LRRTM4: variants seen among roughly 807,000 people sequenced by gnomAD.
LRRTM4 encodes the protein leucine rich repeat transmembrane neuronal 4.
Under a neutral mutation model 47.6 loss-of-function variants are expected in LRRTM4, and 25 were observed. The observed-to-expected ratio is 0.53, with a 90% confidence interval of 0.38 to 0.73. The LOEUF (loss-of-function observed/expected upper bound fraction) is 0.73, where lower values mean the gene tolerates loss of function less well. Among genes scored for constraint, LRRTM4 ranks in the 30% least tolerant of loss-of-function variants. The pLI is 0.00. For synonymous variants in LRRTM4, 311 were observed against 269.5 expected (o/e 1.15, Z -1.51); for missense variants, 638 against 713.4 (o/e 0.89, Z 1.20).
At chr2:77,440,999 T>C (rs1462562361) in intron 3 of LRRTM4, among the ~76,000 whole-genome samples, 3 of 152,262 alleles carry the variant, frequency 2.0e-5, no homozygotes, top group South Asian at 2.1e-4. Flanking sequence ...TATTTATTCT[T>C]ACAAAAATCA....
Position 76,788,263 on chromosome 2 carries a change from G to A in LRRTM4, c.1552-39347C>T, listed in dbSNP as rs536242651. On this transcript the variant is annotated intron_variant, in intron 3 of 3. Transcript: ENST00000409884. The stretch of plus-strand genomic sequence containing the variant: ...GAACAGCAATTGACTATGCCTTAGC[G>A]GTTGAGAGGGGACAACATCTGAGAG... Among the ~76,000 whole-genome samples, 7 of 152,268 alleles carry A rather than the reference G, an allele frequency of 4.6e-5. No individual in the cohort carries two copies. In the South Asian group the frequency reaches 1.0e-3, roughly 23 times the overall value.
intron 3 of LRRTM4, among the ~76,000 whole-genome samples, chr2:77,238,904 A>C (rs533322541): frequency 6.6e-5 from 10 of 152,202 alleles, no homozygotes; most frequent in Non-Finnish European, 1.0e-4. Flanking sequence ...TAATGCTAAG[A>C]ATAATTCATT....
rs552146538 is a variant in LRRTM4, at chr2:77,091,337, AC to A, written c.1552-342422del. ...CTTACCATCTCATTAAAACCTAATCACCCTTACCCCACTCAACGCCAATATC... is the reference window on the plus strand; with the variant it reads ...CTTACCATCTCATTAAAACCTAATCACCTTACCCCACTCAACGCCAATATC... On this transcript the variant is annotated intron_variant, in intron 3 of 3. Coordinates refer to ENST00000409884, the MANE Select transcript of LRRTM4 (RefSeq NM_001134745.3). Among the ~76,000 whole-genome samples the A allele has an allele frequency of 5.3e-3, 750 of 141,266 alleles. 6 individuals are homozygous for A. Among genetic ancestry groups the A allele is most frequent in the African/African-American group, 0.02 (682 of 33,680 alleles). 92.7% of individuals were successfully genotyped at this position (141,266 alleles called of 152,430 possible).
intron 3 of LRRTM4, among the ~76,000 whole-genome samples, chr2:77,138,045 T>C (rs1243407517): frequency 6.6e-6 from 1 of 152,144 alleles, no homozygotes; most frequent in Non-Finnish European, 1.5e-5. Flanking sequence ...AACACCCTAC[T>C]GTCAACATTA....
chr2:76,834,206 A>G (rs539127949), intron 3 of LRRTM4, among the ~76,000 whole-genome samples: 2 of 119,944 alleles, frequency 1.7e-5, no homozygotes, highest in African/African-American at 7.2e-5. Context: ...ATGCCAAGCT[A>G]ATTTTTTTTT....
chr2:77,479,775 C>T (rs150272813), intron 3 of LRRTM4, among the ~76,000 whole-genome samples: 2 of 151,748 alleles, frequency 1.3e-5, no homozygotes, highest in African/African-American at 4.8e-5. Flanking sequence ...TCTCTTCTCT[C>T]CATCTCTCTC....
intron 3 of LRRTM4, among the ~76,000 whole-genome samples, chr2:77,349,099 G>C (rs1177332985): frequency 1.3e-5 from 2 of 151,786 alleles, no homozygotes; most frequent in Non-Finnish European, 2.9e-5. Flanking sequence ...GGAGGACATA[G>C]TGAATGCAAT....
intron 3 of LRRTM4, among the ~76,000 whole-genome samples, chr2:77,431,424 C>T (rs1281272105): frequency 6.7e-6 from 1 of 148,726 alleles, no homozygotes; most frequent in Non-Finnish European, 1.5e-5. Flanking sequence ...AATACTATCA[C>T]ATTCAGAATG....
intron 3 of LRRTM4, among the ~76,000 whole-genome samples, chr2:77,453,486 T>G (rs1315799670): frequency 6.6e-6 from 1 of 152,156 alleles, no homozygotes; most frequent in African/African-American, 2.4e-5. Context: ...AGACTCTTCT[T>G]GAATTTTTAT....
At chr2:77,069,934 A>G (rs6750865) in intron 3 of LRRTM4, among the ~76,000 whole-genome samples, 60,870 of 152,062 alleles carry the variant, frequency 0.4, 14,283 homozygotes, top group East Asian at 0.68. Context: ...CCTGTAAAAC[A>G]TATTTCAGAA....
At chr2:77,279,953 T>A (rs940589225) in intron 3 of LRRTM4, among the ~76,000 whole-genome samples, 1 of 151,976 alleles carries the variant, frequency 6.6e-6, no homozygotes, top group South Asian at 2.1e-4. Flanking sequence ...GTAGATAGAA[T>A]AATATAATAC....
chr2:76,984,713 G>C (rs1325782791), intron 3 of LRRTM4, among the ~76,000 whole-genome samples: 1 of 151,964 alleles, frequency 6.6e-6, no homozygotes, highest in Non-Finnish European at 1.5e-5. Flanking sequence ...TGGAGCCAGT[G>C]AATTACCACT....
chr2:76,823,977 A>G (rs1671124308), intron 3 of LRRTM4, among the ~76,000 whole-genome samples: 4 of 148,998 alleles, frequency 2.7e-5, no homozygotes, highest in Admixed American at 2.7e-4. Context: ...CCCATACAGA[A>G]AGGCTGACTT....
intron 3 of LRRTM4, among the ~76,000 whole-genome samples, chr2:77,297,241 T>C (rs1418728337): frequency 6.6e-6 from 1 of 152,198 alleles, no homozygotes; most frequent in Non-Finnish European, 1.5e-5. Context: ...TTCTCATATT[T>C]TACTATTTAG....
At chr2:77,041,939 T>G (rs1020062736) in intron 3 of LRRTM4, among the ~76,000 whole-genome samples, 3 of 151,374 alleles carry the variant, frequency 2.0e-5, no homozygotes, top group Non-Finnish European at 4.4e-5. Context: ...GAGAATCATC[T>G]GAATACACTT....
intron 3 of LRRTM4, among the ~76,000 whole-genome samples, chr2:76,944,610 A>C (rs2103870775): frequency 6.6e-6 from 1 of 152,236 alleles, no homozygotes. Context: ...TCATCTATAG[A>C]GAGAAATTAC....
chr2:77,435,930 A>G (rs1675576416), intron 3 of LRRTM4, among the ~76,000 whole-genome samples: 1 of 152,158 alleles, frequency 6.6e-6, no homozygotes, highest in Non-Finnish European at 1.5e-5. Context: ...AGGGAAAAAA[A>G]TATCAAGGAT....
At chr2:76,889,380 T>C (rs375112699) in intron 3 of LRRTM4, among the ~76,000 whole-genome samples, 4 of 151,976 alleles carry the variant, frequency 2.6e-5, no homozygotes, top group African/African-American at 9.7e-5. Flanking sequence ...CCATATAGTC[T>C]TAAAGAAAAC....
At chr2:76,909,341 A>T (rs1289460964) in intron 3 of LRRTM4, among the ~76,000 whole-genome samples, 1 of 152,206 alleles carries the variant, frequency 6.6e-6, no homozygotes, top group Admixed American at 6.5e-5. Context: ...ACAAAAATCA[A>T]TTCAAGATGG....
Sources: allele counts gnomAD v4.1 joint callset (sites outside exome capture counted in the v4.1 genomes callset), GRCh38; gene constraint gnomAD v4.1.1; transcripts MANE v1.5; gene names NCBI Gene and HGNC (gene_info 2026-07-23, HGNC 2026-07-21).